Variants in RPRD1A observed in about 807,000 individuals in gnomAD.
RPRD1A encodes the protein regulation of nuclear pre-mRNA domain-containing protein 1A.
Under a neutral mutation model 37.8 loss-of-function variants are expected in RPRD1A, and 9 were observed. The ratio of observed to expected loss-of-function variants is 0.24; its 90% CI spans 0.14 to 0.42. The LOEUF is 0.42. Among genes scored for constraint, RPRD1A ranks in the 10% least tolerant of loss-of-function variants. The pLI is 1.00. For synonymous variants in RPRD1A, 138 were observed against 139.7 expected (o/e 0.99, Z 0.08); for missense variants, 255 against 371.0 (o/e 0.69, Z 2.57).
At chr18:36,022,509 G>A (rs1259596459) in intron 6 of RPRD1A, among the ~76,000 whole-genome samples, 1 of 152,202 alleles carries the variant, frequency 6.6e-6, no homozygotes, top group African/African-American at 2.4e-5. Flanking sequence ...TTTAAGTAGA[G>A]GCCAATGTTC....
In RPRD1A at chr18:36,005,072, C is replaced by T. The variant is rs999046438; in HGVS notation, c.790-11772G>A. ...ATCCCAGCGTTTTGGGAGGCCGAGG[C>T]GGGTGGATCACGAGGTCAGGAGATC... On this transcript the variant is annotated intron_variant, in intron 6 of 6. Transcript: ENST00000399022. Among the ~76,000 whole-genome samples the T allele has an allele frequency of 9.2e-5, 14 of 152,246 alleles. No individual in the cohort carries two copies. The South Asian group carries it at 1.7e-3, about 18-fold the overall frequency.
intron 6 of RPRD1A, among the ~76,000 whole-genome samples, chr18:36,020,900 G>C (rs1022244188): frequency 6.6e-6 from 1 of 151,914 alleles, no homozygotes; most frequent in Admixed American, 6.6e-5. Flanking sequence ...TGACATGTAA[G>C]ATGCATATAA....
At chr18:36,040,572 TG>T (rs1912509515) in intron 1 of RPRD1A, among the ~76,000 whole-genome samples, 1 of 152,156 alleles carries the variant, frequency 6.6e-6, no homozygotes. Context: ...CAGGGGTGAA[TG>T]GGATACCCTG....
chr18:36,037,670 C>G (rs1912292588), intron 1 of RPRD1A, among the ~76,000 whole-genome samples: 1 of 152,106 alleles, frequency 6.6e-6, no homozygotes, highest in Admixed American at 6.6e-5. Flanking sequence ...CTGAAGAAAA[C>G]AGAAAGATGT....
intron 6 of RPRD1A, among the ~76,000 whole-genome samples, chr18:35,994,462 A>G (rs1049713774): frequency 6.6e-6 from 1 of 152,226 alleles, no homozygotes; most frequent in African/African-American, 2.4e-5. Flanking sequence ...CAAAGACTAA[A>G]TGTTTAGAAA....
intron 6 of RPRD1A, among the ~76,000 whole-genome samples, chr18:36,004,545 G>A (rs577809283): frequency 1.6e-4 from 25 of 152,214 alleles, no homozygotes; most frequent in Admixed American, 2.0e-4. Flanking sequence ...ATGAGCCGGC[G>A]CCCAGCCTCA....
At chr18:36,020,063 G>C (rs1910888263) in intron 6 of RPRD1A, among the ~76,000 whole-genome samples, 2 of 152,122 alleles carry the variant, frequency 1.3e-5, no homozygotes, top group Non-Finnish European at 2.9e-5. Context: ...GGAAGGAAAG[G>C]AATGGAAAGG....
chr18:36,000,173 G>C (rs952681981), intron 6 of RPRD1A, among the ~76,000 whole-genome samples: 1 of 152,202 alleles, frequency 6.6e-6, no homozygotes, highest in Non-Finnish European at 1.5e-5. Context: ...AAAGATCTCA[G>C]TGGTTTGCCC....
chr18:36,016,727 T>C (rs568358569), intron 6 of RPRD1A, among the ~76,000 whole-genome samples: 3 of 152,168 alleles, frequency 2.0e-5, no homozygotes, highest in Non-Finnish European at 4.4e-5. Flanking sequence ...TGTTCTTCAA[T>C]AGCAAGGAAC....
intron 6 of RPRD1A, among the ~76,000 whole-genome samples, chr18:36,000,331 T>C (rs1909338536): frequency 6.6e-6 from 1 of 152,218 alleles, no homozygotes; most frequent in Admixed American, 6.5e-5. Context: ...CTGTCATTTT[T>C]TCCCCCTTGA....
intron 1 of RPRD1A, among the ~76,000 whole-genome samples, chr18:36,044,922 T>C (rs566624388): frequency 2.0e-5 from 3 of 151,908 alleles, no homozygotes; most frequent in East Asian, 3.9e-4. Flanking sequence ...CATATACAAA[T>C]CCATGAGTTC....
chr18:36,046,843 A>AT (rs1912991475), intron 1 of RPRD1A, among the ~76,000 whole-genome samples: 1 of 151,138 alleles, frequency 6.6e-6, no homozygotes, highest in East Asian at 1.9e-4. Flanking sequence ...AAAAAAAAAA[A>AT]CCTAGAGTCT....
intron 1 of RPRD1A, among the ~76,000 whole-genome samples, chr18:36,055,231 G>C (rs1913677588): frequency 6.6e-6 from 1 of 152,222 alleles, no homozygotes; most frequent in African/African-American, 2.4e-5. Flanking sequence ...TAGATTAAAT[G>C]TCTAAGGTAT....
intron 1 of RPRD1A, among the ~76,000 whole-genome samples, chr18:36,059,826 C>T (rs1401225029): frequency 2.6e-5 from 4 of 152,138 alleles, no homozygotes; most frequent in Admixed American, 6.5e-5. Context: ...GTGAAATGAT[C>T]ACGGAAATAA....
intron 1 of RPRD1A, among the ~76,000 whole-genome samples, chr18:36,048,468 C>G (rs1201515672): frequency 6.6e-6 from 1 of 152,038 alleles, no homozygotes; most frequent in East Asian, 1.9e-4. Context: ...GAATGCAAAG[C>G]TAGTTCAAGA....
At chr18:36,029,702 G>A (rs764813538) in intron 4 of RPRD1A, among the ~76,000 whole-genome samples, 4 of 151,496 alleles carry the variant, frequency 2.6e-5, no homozygotes, top group Non-Finnish European at 5.9e-5. Context: ...ACATGTAGGA[G>A]GACACAGAGT....
intron 6 of RPRD1A, among the ~76,000 whole-genome samples, chr18:36,010,700 G>A (rs1910123673): frequency 6.6e-6 from 1 of 152,210 alleles, no homozygotes; most frequent in Non-Finnish European, 1.5e-5. Flanking sequence ...GCAGGTGGGG[G>A]AATATGGGGA....
intron 1 of RPRD1A, chr18:36,062,859 G>C (rs1391417992): frequency 6.6e-6 from 1 of 152,174 alleles, no homozygotes. Flanking sequence ...TCTAAAACTG[G>C]TGGTAGCTTT....
intron 1 of RPRD1A, among the ~76,000 whole-genome samples, chr18:36,043,241 T>C (rs1377092858): frequency 3.4e-5 from 5 of 145,286 alleles, no homozygotes; most frequent in African/African-American, 1.3e-4. Flanking sequence ...AATTAAGTTA[T>C]AAAAGAGAAA....
Sources: allele counts gnomAD v4.1 joint callset (sites outside exome capture counted in the v4.1 genomes callset), GRCh38; gene constraint gnomAD v4.1.1; transcripts MANE v1.5; gene names NCBI Gene and HGNC (gene_info 2026-07-23, HGNC 2026-07-21).